The following NAT1 variants were observed in gnomAD, a reference collection of about 807,000 sequenced individuals.
The protein encoded by NAT1 is N-acetyltransferase 1.
For synonymous variants in NAT1, 144 were observed against 122.6 expected, an observed-to-expected ratio of 1.17 and a Z score of -1.16; for missense variants, 400 against 339.2, an observed-to-expected ratio of 1.18 and a Z score of -1.41.
upstream of NAT1, among the ~76,000 whole-genome samples, chr8:18,207,339 T>C (rs1470781956): frequency 1.3e-5 from 2 of 152,236 alleles, no homozygotes; most frequent in Non-Finnish European, 2.9e-5. Flanking sequence ...TTGCTTAGCA[T>C]TGTCTTAGCT....
chr8:18,179,955 C>A (rs995400381), intron 2 of NAT1, among the ~76,000 whole-genome samples: 4 of 152,056 alleles, frequency 2.6e-5, no homozygotes, highest in African/African-American at 9.7e-5. Context: ...TGTCATAAGG[C>A]AACAATAACT....
At chr8:18,217,495 G>A (rs368046365) in intron 1 of NAT1, among the ~76,000 whole-genome samples, 16 of 152,290 alleles carry the variant, frequency 1.1e-4, no homozygotes, top group African/African-American at 3.9e-4. Flanking sequence ...GTTGAGCCCT[G>A]GGGAAAAATT....
chr8:18,187,863 A>G (rs891191353), intron 2 of NAT1, among the ~76,000 whole-genome samples: 3 of 151,904 alleles, frequency 2.0e-5, no homozygotes, highest in African/African-American at 7.3e-5. Context: ...AAAGTTTAAC[A>G]GATCCTGAAA....
At chr8:18,200,797 A>G (rs1490313009) in intron 2 of NAT1, 1 of 152,046 alleles carries the variant, frequency 6.6e-6, no homozygotes, top group Non-Finnish European at 1.5e-5. Flanking sequence ...TGGAGGAAGG[A>G]TGGGATCCAG....
chr8:18,174,770 T>A (rs564919254), intron 2 of NAT1, among the ~76,000 whole-genome samples: 1 of 152,084 alleles, frequency 6.6e-6, no homozygotes, highest in African/African-American at 2.4e-5. Flanking sequence ...TCTATAACTC[T>A]GGGCAAACCT....
chr8:18,216,987 G>A (rs1300074483), intron 1 of NAT1: 2 of 1,550,138 alleles, frequency 1.3e-6, no homozygotes, highest in African/African-American at 2.7e-5. Flanking sequence ...TGATCACCAT[G>A]TTTCTGGGTC....
upstream of NAT1, among the ~76,000 whole-genome samples, chr8:18,207,343 C>G (rs1407990115): frequency 6.6e-6 from 1 of 152,010 alleles, no homozygotes; most frequent in Admixed American, 6.6e-5. Context: ...TTAGCATTGT[C>G]TTAGCTATCC....
intron 2 of NAT1, among the ~76,000 whole-genome samples, chr8:18,220,783 T>TCACCA (rs1387782958): frequency 6.8e-6 from 1 of 147,454 alleles, no homozygotes; most frequent in East Asian, 1.9e-4. Context: ...GCTTCTACCT[T>TCACCA]GTAGCAGAAT....
chr8:18,215,116 C>G (rs975085234), intron 1 of NAT1, among the ~76,000 whole-genome samples: 8 of 151,844 alleles, frequency 5.3e-5, no homozygotes, highest in Admixed American at 1.3e-4. Flanking sequence ...GATTCTGTGT[C>G]TTTGCTATTG....
intron 1 of NAT1, among the ~76,000 whole-genome samples, chr8:18,214,865 T>A (rs1350068854): frequency 6.6e-6 from 1 of 152,218 alleles, no homozygotes; most frequent in African/African-American, 2.4e-5. Flanking sequence ...AAGGCCCCAG[T>A]GTGTGCTGTT....
chr8:18,187,312 C>G (rs1343174371), intron 2 of NAT1, among the ~76,000 whole-genome samples: 2 of 152,132 alleles, frequency 1.3e-5, no homozygotes, highest in East Asian at 3.9e-4. Flanking sequence ...AGACCTAAAA[C>G]AGCATTTCCA....
intron 2 of NAT1, among the ~76,000 whole-genome samples, chr8:18,179,070 T>C (rs1802406344): frequency 6.6e-6 from 1 of 152,150 alleles, no homozygotes; most frequent in African/African-American, 2.4e-5. Context: ...ATGCCCGGCC[T>C]TCTCTCTTGT....
chr8:18,205,513 G>T (rs1237151085), upstream of NAT1, among the ~76,000 whole-genome samples: 1 of 152,276 alleles, frequency 6.6e-6, no homozygotes, highest in East Asian at 1.9e-4. Flanking sequence ...GGGCAGGGCT[G>T]GCTGGCTCTG....
chr8:18,205,669 T>C (rs1275829664), upstream of NAT1, among the ~76,000 whole-genome samples: 1 of 152,158 alleles, frequency 6.6e-6, no homozygotes, highest in African/African-American at 2.4e-5. Context: ...TTCAGACACA[T>C]GCCAGCAAAG....
intron 2 of NAT1, among the ~76,000 whole-genome samples, chr8:18,199,615 TC>T (rs893440148): frequency 6.6e-6 from 1 of 152,166 alleles, no homozygotes; most frequent in Non-Finnish European, 1.5e-5. Context: ...TGAATTGAGT[TC>T]CCTGAACTCT....
chr8:18,205,345 T>C (rs937423186), upstream of NAT1, among the ~76,000 whole-genome samples: 1 of 152,118 alleles, frequency 6.6e-6, no homozygotes, highest in Admixed American at 6.5e-5. Context: ...GGTGGTGGTA[T>C]TGGCTTGGGG....
chr8:18,190,301 GTC>G (rs1456684509), intron 2 of NAT1, among the ~76,000 whole-genome samples: 1 of 152,196 alleles, frequency 6.6e-6, no homozygotes, highest in East Asian at 1.9e-4. Context: ...GAAAGTGTGT[GTC>G]CTTGGGCTGT....
intron 2 of NAT1, among the ~76,000 whole-genome samples, chr8:18,187,677 G>A (rs190743724): frequency 1.5e-4 from 23 of 152,046 alleles, no homozygotes; most frequent in African/African-American, 5.5e-4. Context: ...ACGAAGAAGG[G>A]AATAACACAC....
intron 2 of NAT1, among the ~76,000 whole-genome samples, chr8:18,204,018 G>A (rs897977175): frequency 2.6e-5 from 4 of 152,038 alleles, no homozygotes; most frequent in African/African-American, 4.8e-5. Context: ...AATTAGGGTG[G>A]GGCAACCAGC....
Sources: gnomAD v4.1 joint callset for allele counts (sites outside exome capture counted in the v4.1 genomes callset) on GRCh38, gnomAD v4.1.1 for gene constraint, MANE v1.5 for transcripts, NCBI Gene and HGNC (gene_info 2026-07-23, HGNC 2026-07-21) for gene names.